The following CACNB2 variants were observed in gnomAD, a reference collection of about 807,000 sequenced individuals.
CACNB2 encodes calcium voltage-gated channel auxiliary subunit beta 2.
Under a neutral mutation model 73.3 loss-of-function variants are expected in CACNB2, and 42 were observed. That is an observed-to-expected ratio of 0.57 (90% CI 0.45 to 0.74). CACNB2 has a LOEUF of 0.74. Among genes scored for constraint, CACNB2 ranks in the 30% least tolerant of loss-of-function variants. The pLI, the probability that CACNB2 is intolerant of heterozygous loss-of-function variation, is 0.00. For synonymous variants in CACNB2, 348 were observed against 310.3 expected (o/e 1.12, Z -1.28); for missense variants, 940 against 853.0 (o/e 1.10, Z -1.27).
intron 3 of CACNB2, among the ~76,000 whole-genome samples, chr10:18,409,817 A>T (rs1374225557): frequency 6.6e-6 from 1 of 152,146 alleles, no homozygotes; most frequent in Non-Finnish European, 1.5e-5. Context: ...GGCTTTTGGC[A>T]GTTGTCCAAG....
chr10:18,252,728 A>AC (rs2037137055), intron 2 of CACNB2, among the ~76,000 whole-genome samples: 1 of 152,230 alleles, frequency 6.6e-6, no homozygotes. Context: ...ATAAGAAGAT[A>AC]CTTGTGGCAT....
At chr10:18,238,056 G>T (rs2036516249) in intron 2 of CACNB2, among the ~76,000 whole-genome samples, 1 of 152,184 alleles carries the variant, frequency 6.6e-6, no homozygotes, top group South Asian at 2.1e-4. Context: ...AGTTCTTCCA[G>T]ATGGAAGGTT....
chr10:18,385,651 AAAAAAAAAAATT>A (rs2043200184), intron 2 of CACNB2, among the ~76,000 whole-genome samples: 1 of 151,712 alleles, frequency 6.6e-6, no homozygotes, highest in Non-Finnish European at 1.5e-5. Context: ...CTCAAAAAAA[AAAAAAAAAAATT>A]TATTCAAATG....
intron 2 of CACNB2, among the ~76,000 whole-genome samples, chr10:18,398,684 CACACACAT>C (rs138019458): frequency 0.19 from 23,552 of 122,294 alleles, 1,940 homozygotes; most frequent in Middle Eastern, 0.28. Flanking sequence ...CACACACACA[CACACACAT>C]ACACACACAC....
chr10:18,461,617 C>A (rs1224409847), intron 3 of CACNB2, among the ~76,000 whole-genome samples: 1 of 152,062 alleles, frequency 6.6e-6, no homozygotes, highest in Non-Finnish European at 1.5e-5. Flanking sequence ...GATCATCAGG[C>A]ATTAGTTAGA....
chr10:18,152,026 C>A (rs963686877), intron 2 of CACNB2, among the ~76,000 whole-genome samples: 1 of 152,178 alleles, frequency 6.6e-6, no homozygotes, highest in South Asian at 2.1e-4. Context: ...GGGACAGTTA[C>A]ATTTCCCTAG....
chr10:18,267,162 G>T (rs78219843), intron 2 of CACNB2, among the ~76,000 whole-genome samples: 2,148 of 150,274 alleles, frequency 0.014, 28 homozygotes, highest in Non-Finnish European at 0.022. Flanking sequence ...ATGTATTTTC[G>T]TAAGAAATTG....
intron 2 of CACNB2, among the ~76,000 whole-genome samples, chr10:18,232,741 C>CT (rs908171484): frequency 2.6e-5 from 4 of 152,054 alleles, no homozygotes. Flanking sequence ...TTTTAAAATT[C>CT]TTTTTTGTGT....
chr10:18,515,396 G>C (rs544529554), intron 7 of CACNB2, among the ~76,000 whole-genome samples: 2 of 151,778 alleles, frequency 1.3e-5, no homozygotes, highest in Non-Finnish European at 2.9e-5. Context: ...TACTAATGTC[G>C]CCAAGTCTGG....
At chr10:18,260,837 G>A (rs1239671421) in intron 2 of CACNB2, 1 of 1,057,582 alleles carries the variant, frequency 9.5e-7, no homozygotes, top group Non-Finnish European at 1.1e-6. Flanking sequence ...CAAAAGCAGA[G>A]TACTGCAGGG....
chr10:18,468,275 T>G (rs2048004202), intron 3 of CACNB2, among the ~76,000 whole-genome samples: 1 of 152,016 alleles, frequency 6.6e-6, no homozygotes. Flanking sequence ...CTGGGCAACA[T>G]GGCGAAAACC....
intron 1 of CACNB2, among the ~76,000 whole-genome samples, chr10:18,145,112 A>G (rs2030828780): frequency 6.6e-6 from 1 of 152,208 alleles, no homozygotes; most frequent in African/African-American, 2.4e-5. Flanking sequence ...GCTCCTAGCA[A>G]CAGGTCCCAG....
At chr10:18,500,129 T>C (rs1277371727) in intron 4 of CACNB2, among the ~76,000 whole-genome samples, 1 of 152,222 alleles carries the variant, frequency 6.6e-6, no homozygotes, top group Non-Finnish European at 1.5e-5. Context: ...ATGAGGTCTC[T>C]TCTTGATGAT....
At chr10:18,433,960 T>A (rs1589341347) in intron 3 of CACNB2, among the ~76,000 whole-genome samples, 1 of 152,256 alleles carries the variant, frequency 6.6e-6, no homozygotes, top group East Asian at 1.9e-4. Flanking sequence ...TAGAACATAC[T>A]GTGCTACAGT....
At chr10:18,450,896 C>T (rs1294685416) in intron 3 of CACNB2, among the ~76,000 whole-genome samples, 1 of 152,174 alleles carries the variant, frequency 6.6e-6, no homozygotes, top group East Asian at 1.9e-4. Context: ...CTTGGCCTCC[C>T]AAAGTGTTGG....
At chr10:18,474,703 G>A (rs901848217) in intron 3 of CACNB2, among the ~76,000 whole-genome samples, 4 of 151,998 alleles carry the variant, frequency 2.6e-5, no homozygotes, top group African/African-American at 4.8e-5. Context: ...TTGCAGCACC[G>A]AAAGGAAAAC....
At position 18,518,980 on chromosome 10, in the gene CACNB2, A is replaced by T. The variant is rs144304963; in HGVS notation, c.944+12A>T. On this transcript the variant is annotated intron_variant, in intron 9 of 13. Transcript: ENST00000324631. ...AGATTTGAAGGGCGGTGAGTATTTC[A>T]GCATACTGGGTTTTGTGGATTTTGT... 7.5e-5 allele frequency: 121 copies of T among 1,612,844 alleles called. No homozygotes were observed. The East Asian group carries it at 2.6e-3, about 34-fold the overall frequency.
chr10:18,305,133 T>G (rs567958361), intron 2 of CACNB2, among the ~76,000 whole-genome samples: 1 of 152,326 alleles, frequency 6.6e-6, no homozygotes, highest in East Asian at 1.9e-4. Context: ...CTGTGGGAAC[T>G]TCATCACTTT....
At chr10:18,261,193 A>ACC in intron 2 of CACNB2, 1 of 1,549,264 alleles carries the variant, frequency 6.5e-7, no homozygotes, top group Middle Eastern at 2.2e-4. Context: ...GAAGAAATGG[A>ACC]CCGAGGCTGT....
Sources: allele counts gnomAD v4.1 joint callset (sites outside exome capture counted in the v4.1 genomes callset), GRCh38; gene constraint gnomAD v4.1.1; transcripts MANE v1.5; gene names NCBI Gene and HGNC (gene_info 2026-07-23, HGNC 2026-07-21).